PCCA: variants seen among roughly 807,000 people sequenced by gnomAD.
The protein encoded by PCCA is propionyl-CoA carboxylase subunit alpha.
A neutral mutation model predicts 101.3 loss-of-function variants in PCCA; 74 were observed. That is an observed-to-expected ratio of 0.73 (90% CI 0.61 to 0.89). The LOEUF (loss-of-function observed/expected upper bound fraction) is 0.89. Ranked by LOEUF, PCCA falls within the 40% of genes least tolerant of loss-of-function variation. The probability of loss-of-function intolerance (pLI) is 0.00; values close to 1 mark genes in which losing one functional copy is unlikely to be tolerated. For synonymous variants in PCCA, 294 were observed against 313.6 expected (o/e 0.94, Z 0.66); for missense variants, 891 against 907.0 (o/e 0.98, Z 0.23).
chr13:100,197,046 A>G (rs2058149692), intron 6 of PCCA, among the ~76,000 whole-genome samples: 1 of 152,118 alleles, frequency 6.6e-6, no homozygotes, highest in Non-Finnish European at 1.5e-5. Flanking sequence ...AGTCTTCTCT[A>G]ATGTGTTGTC....
Position 100,175,910 on chromosome 13 carries a change from C to T in PCCA, c.468+18570C>T, listed in dbSNP as rs550113410. 5.9e-5 allele frequency among the ~76,000 whole-genome samples: 9 copies of T among 152,250 alleles called. No individual in the cohort carries two copies. The East Asian group carries it at 1.5e-3, about 26-fold the overall frequency. On this transcript the variant is annotated intron_variant, in intron 6 of 23. Transcript: ENST00000376285. Reference sequence around the variant, plus strand: ...CAAATTCTTTTTTCATGGCAGACTTCGTTAAAGTGAAAATACTCTGTGTTA... The same window carrying T: ...CAAATTCTTTTTTCATGGCAGACTTTGTTAAAGTGAAAATACTCTGTGTTA...
intron 19 of PCCA, among the ~76,000 whole-genome samples, chr13:100,382,244 A>T (rs998594203): frequency 2.0e-5 from 3 of 152,250 alleles, no homozygotes; most frequent in African/African-American, 7.2e-5. Context: ...TGAAAAGGGG[A>T]CAGAGGAGGG....
intron 19 of PCCA, among the ~76,000 whole-genome samples, chr13:100,419,874 G>A (rs921509736): frequency 1.1e-4 from 16 of 152,232 alleles, no homozygotes; most frequent in African/African-American, 3.6e-4. Context: ...TATAATTAAT[G>A]TAAGTTTGGT....
At chr13:100,462,832 A>G (rs11069396) in intron 21 of PCCA, among the ~76,000 whole-genome samples, 33,947 of 152,198 alleles carry the variant, frequency 0.22, 4,855 homozygotes, top group East Asian at 0.54. Context: ...TTGTCACCTA[A>G]GGATAGAGAA....
At chr13:100,420,604 A>T (rs1367364850) in intron 19 of PCCA, among the ~76,000 whole-genome samples, 1 of 152,136 alleles carries the variant, frequency 6.6e-6, no homozygotes, top group African/African-American at 2.4e-5. Flanking sequence ...TTAACCATCT[A>T]AATACATCTG....
At chr13:100,473,822 A>G (rs2152958370) in intron 21 of PCCA, among the ~76,000 whole-genome samples, 1 of 152,384 alleles carries the variant, frequency 6.6e-6, no homozygotes, top group Admixed American at 6.5e-5. Context: ...TGAGTTTTCC[A>G]GTCTCATTAG....
At chr13:100,281,144 C>T (rs1335805752) in intron 12 of PCCA, among the ~76,000 whole-genome samples, 2 of 152,192 alleles carry the variant, frequency 1.3e-5, no homozygotes, top group Non-Finnish European at 2.9e-5. Flanking sequence ...TGGCAATTCA[C>T]ATATGCCAGA....
chr13:100,153,594 A>C (rs1205375453), intron 4 of PCCA, among the ~76,000 whole-genome samples: 1 of 152,208 alleles, frequency 6.6e-6, no homozygotes, highest in African/African-American at 2.4e-5. Flanking sequence ...CAGGATCTGA[A>C]GTGGACAGAG....
chr13:100,127,890 T>TCAAAAAA (rs888960325), intron 4 of PCCA, among the ~76,000 whole-genome samples: 3 of 151,998 alleles, frequency 2.0e-5, no homozygotes, highest in Admixed American at 6.6e-5. Flanking sequence ...AGACTCCGTC[T>TCAAAAAA]CAAAAAACAA....
chr13:100,202,168 C>CA (rs10678691), intron 6 of PCCA, among the ~76,000 whole-genome samples: 4,938 of 96,658 alleles, frequency 0.051, 299 homozygotes, highest in African/African-American at 0.15. Context: ...CATCTCTACC[C>CA]AAAAAAAAAA....
intron 21 of PCCA, among the ~76,000 whole-genome samples, chr13:100,465,696 T>C (rs914090204): frequency 3.3e-5 from 5 of 152,224 alleles, no homozygotes; most frequent in African/African-American, 1.2e-4. Context: ...ACCAACTAGA[T>C]GTCAGAACAT....
At chr13:100,179,710 C>A (rs2056611152) in intron 6 of PCCA, among the ~76,000 whole-genome samples, 1 of 103,298 alleles carries the variant, frequency 9.7e-6, no homozygotes, top group African/African-American at 4.0e-5. Context: ...CCTCTTCCCA[C>A]AATGGTTTAT....
chr13:100,410,605 T>C (rs147980782), intron 19 of PCCA, among the ~76,000 whole-genome samples: 80 of 152,346 alleles, frequency 5.3e-4, no homozygotes, highest in African/African-American at 1.8e-3. Flanking sequence ...CATGTGCAGT[T>C]CTTGCGGACC....
chr13:100,452,070 C>T (rs1171674385), intron 21 of PCCA, among the ~76,000 whole-genome samples: 20 of 121,094 alleles, frequency 1.7e-4, no homozygotes, highest in African/African-American at 7.4e-4. Context: ...TTCCTCCTCT[C>T]CCTCTCTCCT....
At chr13:100,118,040 C>T (rs925072612) in intron 4 of PCCA, among the ~76,000 whole-genome samples, 34 of 149,366 alleles carry the variant, frequency 2.3e-4, no homozygotes, top group African/African-American at 6.7e-4. Flanking sequence ...GGTGTGAACC[C>T]GGGAGGCGGA....
intron 2 of PCCA, among the ~76,000 whole-genome samples, chr13:100,106,871 T>C (rs2047851778): frequency 1.3e-5 from 2 of 152,212 alleles, no homozygotes; most frequent in Admixed American, 6.5e-5. Flanking sequence ...AAGGTGACTG[T>C]GGAGAAACTG....
At chr13:100,419,904 A>G (rs2078635501) in intron 19 of PCCA, among the ~76,000 whole-genome samples, 1 of 152,232 alleles carries the variant, frequency 6.6e-6, no homozygotes, top group South Asian at 2.1e-4. Context: ...TCCTTGGTCA[A>G]TTTCAGGGCA....
intron 4 of PCCA, among the ~76,000 whole-genome samples, chr13:100,132,808 C>A (rs932803282): frequency 2.6e-5 from 4 of 152,046 alleles, no homozygotes; most frequent in Non-Finnish European, 5.9e-5. Context: ...GAGTCTCACT[C>A]TGTCACCGGG....
In PCCA at chr13:100,089,136, G is replaced by A. The variant is rs568542767; in HGVS notation, c.16G>A (p.Val6Ile). The A allele has an allele frequency of 1.3e-6, 2 of 1,512,268 alleles. No individual in the cohort carries two copies. The highest frequency in any genetic ancestry group is 5.3e-5 in the East Asian group (2 of 38,064). 93.7% of individuals were successfully genotyped at this position (1,512,268 alleles called of 1,614,324 possible). Residue 6 changes from valine (V) to isoleucine (I), a missense_variant, in exon 1 of 24, where the codon GTC (valine) becomes ATC (isoleucine). By Grantham distance (29) the Val-to-Ile change is conservative. Transcript: ENST00000376285. MAGFW[V>I]GTAPLVAAGR... ...GGGGACAACAATGGCGGGGTTCTGG[G>A]TCGGGACAGCACCGCTGGTCGCTGC... is the stretch of plus-strand genomic sequence containing the variant.
Sources: gnomAD v4.1 joint callset for allele counts (sites outside exome capture counted in the v4.1 genomes callset) on GRCh38, gnomAD v4.1.1 for gene constraint, MANE v1.5 for transcripts, NCBI Gene and HGNC (gene_info 2026-07-23, HGNC 2026-07-21) for gene names.